CSNK2A2IP: variants seen among roughly 807,000 people sequenced by gnomAD.
CSNK2A2IP encodes casein kinase II subunit alpha'-interacting protein.
At chr3:88,403,058 T>C in the CSNK2A2IP span, among the ~76,000 whole-genome samples, 1 of 152,094 alleles carries the variant, frequency 6.6e-6, no homozygotes, top group Non-Finnish European at 1.5e-5. Flanking sequence ...GGTTTTAATT[T>C]GGCTTATTTT....
chr3:88,366,688 C>CA, the CSNK2A2IP span, among the ~76,000 whole-genome samples: 1 of 151,856 alleles, frequency 6.6e-6, no homozygotes, highest in Admixed American at 6.6e-5. Flanking sequence ...GAAGGCAAGG[C>CA]AAAGTAAGGG....
the CSNK2A2IP span, among the ~76,000 whole-genome samples, chr3:88,350,829 T>TTGC: frequency 6.6e-6 from 1 of 152,004 alleles, no homozygotes; most frequent in Non-Finnish European, 1.5e-5. Context: ...CTACAGAGGG[T>TTGC]TGCTGCTGCT....
chr3:88,452,630 T>C, the CSNK2A2IP span, among the ~76,000 whole-genome samples: 2 of 152,124 alleles, frequency 1.3e-5, no homozygotes, highest in Non-Finnish European at 2.9e-5. Context: ...CAGGTGAAAA[T>C]GGCAGAATTT....
chr3:88,442,415 A>G, the CSNK2A2IP span, among the ~76,000 whole-genome samples: 1 of 152,130 alleles, frequency 6.6e-6, no homozygotes, highest in East Asian at 1.9e-4. Context: ...AGGGATGCCA[A>G]TATAGGTTCT....
the CSNK2A2IP span, among the ~76,000 whole-genome samples, chr3:88,349,965 T>C: frequency 2.6e-5 from 4 of 152,130 alleles, no homozygotes; most frequent in African/African-American, 9.7e-5. Flanking sequence ...TCAAGTTTAT[T>C]ATACAAGGCT....
the CSNK2A2IP span, among the ~76,000 whole-genome samples, chr3:88,464,248 G>A: frequency 6.6e-6 from 1 of 151,506 alleles, no homozygotes; most frequent in South Asian, 2.1e-4. Flanking sequence ...CACCAGCATG[G>A]CACATGTATA....
At chr3:88,356,054 A>T in the CSNK2A2IP span, among the ~76,000 whole-genome samples, 1 of 152,128 alleles carries the variant, frequency 6.6e-6, no homozygotes. Flanking sequence ...GTTATTGGGA[A>T]ATCTAACACC....
chr3:88,354,337 T>A, the CSNK2A2IP span, among the ~76,000 whole-genome samples: 1 of 152,358 alleles, frequency 6.6e-6, no homozygotes, highest in Non-Finnish European at 1.5e-5. Flanking sequence ...AGTAATTAGA[T>A]GAGCTGCATG....
chr3:88,421,462 G>C, the CSNK2A2IP span, among the ~76,000 whole-genome samples: 1 of 152,048 alleles, frequency 6.6e-6, no homozygotes, highest in Non-Finnish European at 1.5e-5. Flanking sequence ...TGTTGCCCAG[G>C]CTAGAGGGCA....
chr3:88,358,166 T>C, the CSNK2A2IP span, among the ~76,000 whole-genome samples: 2 of 152,316 alleles, frequency 1.3e-5, no homozygotes, highest in East Asian at 3.9e-4. Context: ...GAAATGCTAC[T>C]GATTTTTGTA....
chr3:88,438,417 G>A, the CSNK2A2IP span, among the ~76,000 whole-genome samples: 1 of 152,196 alleles, frequency 6.6e-6, no homozygotes, highest in South Asian at 2.1e-4. Context: ...CCTCTTCCCT[G>A]AGGTGGGTCA....
the CSNK2A2IP span, among the ~76,000 whole-genome samples, chr3:88,360,384 C>T: frequency 0.42 from 64,492 of 151,864 alleles, 15,454 homozygotes; most frequent in South Asian, 0.6. Context: ...CCACCCGCCT[C>T]GGCCTCCCAA....
the CSNK2A2IP span, among the ~76,000 whole-genome samples, chr3:88,356,542 T>C: frequency 6.6e-6 from 1 of 152,162 alleles, no homozygotes; most frequent in Non-Finnish European, 1.5e-5. Context: ...CTATTGTAAA[T>C]AAAGCTGTAA....
the CSNK2A2IP span, among the ~76,000 whole-genome samples, chr3:88,380,003 C>T: frequency 6.6e-6 from 1 of 151,932 alleles, no homozygotes; most frequent in African/African-American, 2.4e-5. Context: ...TGTAAGATTC[C>T]ATTTCAATCT....
At chr3:88,460,963 T>C in the CSNK2A2IP span, among the ~76,000 whole-genome samples, 1 of 151,980 alleles carries the variant, frequency 6.6e-6, no homozygotes, top group Admixed American at 6.6e-5. Flanking sequence ...GGTGCATGCC[T>C]GTAATCCCAG....
At chr3:88,344,305 A>AT in the CSNK2A2IP span, among the ~76,000 whole-genome samples, 4 of 151,824 alleles carry the variant, frequency 2.6e-5, no homozygotes, top group African/African-American at 4.8e-5. Context: ...AAATGTTTAT[A>AT]TTTTTTTAGA....
chr3:88,435,365 T>C, the CSNK2A2IP span, among the ~76,000 whole-genome samples: 1 of 152,124 alleles, frequency 6.6e-6, no homozygotes, highest in African/African-American at 2.4e-5. Context: ...GAGAAGAAGT[T>C]CACTGGTGGG....
At chr3:88,343,398 A>G in the CSNK2A2IP span, 1 of 151,944 alleles carries the variant, frequency 6.6e-6, no homozygotes, top group Non-Finnish European at 1.5e-5. Flanking sequence ...GAGCATTCTT[A>G]TGACTAGTCT....
chr3:88,402,875 C>T, the CSNK2A2IP span, among the ~76,000 whole-genome samples: 1 of 151,956 alleles, frequency 6.6e-6, no homozygotes, highest in African/African-American at 2.4e-5. Flanking sequence ...TTGATGTCTT[C>T]TCACAATTAT....
Sources: gnomAD v4.1 joint callset for allele counts (sites outside exome capture counted in the v4.1 genomes callset) on GRCh38, gnomAD v4.1.1 for gene constraint, MANE v1.5 for transcripts, NCBI Gene and HGNC (gene_info 2026-07-23, HGNC 2026-07-21) for gene names.